RDX: variants seen among roughly 807,000 people sequenced by gnomAD.
RDX encodes the protein radixin, also known as deafness, autosomal recessive 24.
Under a neutral mutation model 83.7 loss-of-function variants are expected in RDX, and 32 were observed. The observed-to-expected ratio is 0.38, with a 90% CI of 0.29 to 0.51. The LOEUF (loss-of-function observed/expected upper bound fraction) is 0.51. RDX is among the 20% of genes least tolerant of loss of function. The probability of loss-of-function intolerance (pLI) is 0.87; values close to 1 mark genes in which losing one functional copy is unlikely to be tolerated. For missense variants in RDX, 600 were observed against 689.9 expected (o/e 0.87, Z 1.46); for synonymous variants, 229 against 222.7 (o/e 1.03, Z -0.25).
At position 110,238,317 on chromosome 11, in the gene RDX, T is replaced by C. The variant is rs549585908; in HGVS notation, c.1091-665A>G. ...ACATGAATTTTAATCCTTAGGTGCA[T>C]AGATCACTAAATCAACTCTTTTCTT... On this transcript the variant is annotated intron_variant, in intron 10 of 13. Transcript: ENST00000645495. 1.5e-4 allele frequency among the ~76,000 whole-genome samples: 23 copies of C among 152,342 alleles called. No homozygotes were observed. The East Asian group carries it at 2.1e-3, about 14-fold the overall frequency.
At chr11:110,223,102 GA>G (rs1302652071) in intron 14 of RDX, among the ~76,000 whole-genome samples, 2 of 152,142 alleles carry the variant, frequency 1.3e-5, no homozygotes, top group Admixed American at 6.5e-5. Flanking sequence ...TGTAATCCCA[GA>G]ACTTTGAGAG....
Position 110,234,716 on chromosome 11 carries a change from C to G in RDX, c.1345-1237G>C, listed in dbSNP as rs574069706. ...AAATTCTAATAAACAAGTAGAGTAA[C>G]TGGGAAATTAACAGTAGCATTCCTT... On this transcript the variant is annotated intron_variant, in intron 12 of 13. Transcript: ENST00000645495. 7.2e-5 allele frequency among the ~76,000 whole-genome samples: 11 copies of G among 152,192 alleles called. No individual in the cohort carries two copies. In the East Asian group the frequency reaches 2.1e-3, roughly 29 times the overall value.
At chr11:110,235,637 A>C (rs1378014567) in intron 12 of RDX, among the ~76,000 whole-genome samples, 2 of 152,196 alleles carry the variant, frequency 1.3e-5, no homozygotes, top group African/African-American at 2.4e-5. Context: ...AAAGCCTTTC[A>C]CAATTCCCTA....
At chr11:110,208,323 A>C (rs2134249926) in intron 14 of RDX, among the ~76,000 whole-genome samples, 1 of 152,342 alleles carries the variant, frequency 6.6e-6, no homozygotes, top group South Asian at 2.1e-4. Flanking sequence ...AGGTTAACTC[A>C]AACTATAAGC....
chr11:110,271,686 T>C (rs1475697529), intron 3 of RDX, among the ~76,000 whole-genome samples: 3 of 152,094 alleles, frequency 2.0e-5, no homozygotes, highest in South Asian at 2.1e-4. Flanking sequence ...AGGTGACTAA[T>C]ACGCACTCAA....
intron 1 of RDX, among the ~76,000 whole-genome samples, chr11:110,285,661 T>C (rs1485672702): frequency 7.4e-6 from 1 of 135,714 alleles, no homozygotes; most frequent in African/African-American, 2.8e-5. Context: ...TGCAATGAGC[T>C]GAGATCACAC....
rs2134357728 is a variant in RDX at position 110,255,338 on chromosome 11, G to A, written c.746C>T (p.Ser249Leu). 2 of 1,594,542 alleles carry A rather than the reference G, an allele frequency of 1.3e-6. No individual in the cohort carries two copies. The highest frequency in any genetic ancestry group is 4.5e-5 in the East Asian group (2 of 44,598). Residue 249 changes from serine to leucine, a missense_variant, in exon 8 of 14, where the codon TCA becomes TTA. Coordinates refer to ENST00000645495, the MANE Select transcript of RDX (RefSeq NM_002906.4). ...GFPWSEIRNI[S>L]FNDKKFVIKP... ...TATAACAAATTTTTTGTCATTAAAT[G>A]AAATATTTCTGATTTCACTCCAGGG...
At chr11:110,282,160 G>T (rs1342215088) in intron 1 of RDX, among the ~76,000 whole-genome samples, 1 of 152,088 alleles carries the variant, frequency 6.6e-6, no homozygotes, top group Non-Finnish European at 1.5e-5. Context: ...ACATTTCATA[G>T]AACAATTTTA....
intron 14 of RDX, among the ~76,000 whole-genome samples, chr11:110,209,315 C>G (rs915229264): frequency 2.6e-5 from 4 of 152,140 alleles, no homozygotes; most frequent in Non-Finnish European, 2.9e-5. Flanking sequence ...AGATTATATC[C>G]GGCACCTGGC....
chr11:110,174,938 A>G (rs1862740059), exon 16 of RDX: 1 of 152,178 alleles, frequency 6.6e-6, no homozygotes. Flanking sequence ...CTAGTGCTGT[A>G]TTTTTACTTC....
At chr11:110,259,528 G>A (rs568357237) in intron 5 of RDX, among the ~76,000 whole-genome samples, 5 of 152,284 alleles carry the variant, frequency 3.3e-5, no homozygotes, top group African/African-American at 4.8e-5. Flanking sequence ...ACTACTTAGA[G>A]TAAATTCCTT....
Position 110,231,229 on chromosome 11 carries a change from C to T in RDX, c.*640G>A, listed in dbSNP as rs1864622565. On this transcript the variant is annotated 3_prime_UTR_variant, in exon 14 of 14. Coordinates refer to ENST00000645495, the MANE Select transcript of RDX (RefSeq NM_002906.4). ...ATTAAATAACCAAATATCAAATATC[C>T]AATAAGGTAATTAAATTTAGATTAA... The T allele has an allele frequency of 6.5e-6, 1 of 152,764 alleles. No homozygotes were observed. The allele number at this position is 152,764 out of a possible 1,614,324, so 9.5% of individuals were successfully genotyped here. A position where few individuals can be genotyped will look rare whatever the true frequency, so the allele number is the denominator to read the frequency against.
At chr11:110,176,424 T>C (rs1862775362) in intron 15 of RDX, among the ~76,000 whole-genome samples, 1 of 152,130 alleles carries the variant, frequency 6.6e-6, no homozygotes, top group African/African-American at 2.4e-5. Flanking sequence ...GGCTCCTGCC[T>C]TCCACATCCC....
chr11:110,210,694 T>A (rs1565293092), intron 14 of RDX, among the ~76,000 whole-genome samples: 1 of 151,192 alleles, frequency 6.6e-6, no homozygotes, highest in Non-Finnish European at 1.5e-5. Flanking sequence ...TCAACATTCT[T>A]AAAGAAAAGA....
At chr11:110,176,542 G>C (rs1862777882) in intron 15 of RDX, among the ~76,000 whole-genome samples, 1 of 152,324 alleles carries the variant, frequency 6.6e-6, no homozygotes, top group African/African-American at 2.4e-5. Context: ...CCTGTCAGCA[G>C]TGACTGTAGG....
chr11:110,209,399 G>A (rs1195357466), intron 14 of RDX, among the ~76,000 whole-genome samples: 4 of 151,390 alleles, frequency 2.6e-5, no homozygotes, highest in Non-Finnish European at 5.9e-5. Context: ...CAAGGCGGCA[G>A]CGAGGCTGGG....
At chr11:110,225,442 A>T (rs1289550572), downstream of RDX, among the ~76,000 whole-genome samples, 2 of 152,246 alleles carry the variant, frequency 1.3e-5, no homozygotes, top group Non-Finnish European at 2.9e-5. Flanking sequence ...AAAAATGGGC[A>T]GAACTTGAAT....
intron 15 of RDX, among the ~76,000 whole-genome samples, chr11:110,194,975 T>TTTTG: frequency 6.6e-6 from 1 of 150,894 alleles, no homozygotes; most frequent in Non-Finnish European, 1.5e-5. Context: ...TTTTGGTTGT[T>TTTTG]TTTTGTTTTG....
chr11:110,214,937 C>G (rs1306339714), intron 14 of RDX, among the ~76,000 whole-genome samples: 1 of 142,968 alleles, frequency 7.0e-6, no homozygotes, highest in Non-Finnish European at 1.5e-5. Context: ...CACATGTATA[C>G]ATATGTAACT....
Sources: gnomAD v4.1 joint callset for allele counts (sites outside exome capture counted in the v4.1 genomes callset) on GRCh38, gnomAD v4.1.1 for gene constraint, MANE v1.5 for transcripts, NCBI Gene and HGNC (gene_info 2026-07-23, HGNC 2026-07-21) for gene names.